Variants in KCNN3 observed in about 807,000 individuals in gnomAD.
KCNN3 encodes the protein potassium calcium-activated channel subfamily N member 3.
KCNN3 carries 16 observed loss-of-function variants against 62.9 expected under a neutral mutation model. That is an observed-to-expected ratio of 0.25 (90% CI 0.17 to 0.39). KCNN3 has a LOEUF of 0.39. KCNN3 is among the 10% of genes least tolerant of loss of function. KCNN3 has a pLI of 1.00. For synonymous variants in KCNN3, 370 were observed against 389.2 expected (o/e 0.95, Z 0.58); for missense variants, 599 against 949.4 (o/e 0.63, Z 4.85).
chr1:154,720,213 C>T (rs772873030), intron 5 of KCNN3, among the ~76,000 whole-genome samples: 29 of 152,200 alleles, frequency 1.9e-4, no homozygotes, highest in Non-Finnish European at 3.7e-4. Flanking sequence ...TCTGGGCCTT[C>T]GTCTTCTCAT....
At chr1:154,731,050 G>A (rs956303216) in intron 4 of KCNN3, among the ~76,000 whole-genome samples, 1 of 152,122 alleles carries the variant, frequency 6.6e-6, no homozygotes, top group African/African-American at 2.4e-5. Context: ...GTGCTGAGAG[G>A]GGAAAAGGTC....
At chr1:154,713,868 T>C (rs982335742) in intron 6 of KCNN3, among the ~76,000 whole-genome samples, 2 of 151,692 alleles carry the variant, frequency 1.3e-5, no homozygotes, top group South Asian at 4.2e-4. Context: ...GAATGAATGT[T>C]TTCATCCTTT....
At chr1:154,798,975 G>A (rs1164943586) in intron 2 of KCNN3, among the ~76,000 whole-genome samples, 1 of 149,006 alleles carries the variant, frequency 6.7e-6, no homozygotes. Flanking sequence ...GGAGTGCAGT[G>A]GCACAATCTT....
intron 3 of KCNN3, among the ~76,000 whole-genome samples, chr1:154,748,585 A>G (rs748469223): frequency 6.6e-6 from 1 of 152,364 alleles, no homozygotes; most frequent in Non-Finnish European, 1.5e-5. Context: ...ATCACGTGCC[A>G]TGTGGGCCAA....
In KCNN3 at chr1:154,841,642, G is replaced by GC. The variant is rs1209320654; in HGVS notation, c.934-19459dup. Among the ~76,000 whole-genome samples, 4 of 152,290 alleles carry GC rather than the reference G, an allele frequency of 2.6e-5. No homozygotes were observed. The East Asian group carries it at 5.8e-4, about 22-fold the overall frequency. On this transcript the variant is annotated intron_variant, in intron 1 of 7. Coordinates refer to ENST00000271915, the MANE Select transcript of KCNN3 (RefSeq NM_002249.6). ...TTCATGCCTGTTATTCCATCACAGAGCCCCCCTCACTCCAAACTTTCTGCA... is the reference window on the plus strand; with the variant it reads ...TTCATGCCTGTTATTCCATCACAGAGCCCCCCCTCACTCCAAACTTTCTGCA...
At chr1:154,857,318 C>T (rs951068886) in intron 1 of KCNN3, among the ~76,000 whole-genome samples, 3 of 152,226 alleles carry the variant, frequency 2.0e-5, no homozygotes, top group South Asian at 2.1e-4. Context: ...GTTGAGGGCT[C>T]GGGTGGCCCC....
intron 1 of KCNN3, among the ~76,000 whole-genome samples, chr1:154,847,269 C>T (rs770479508): frequency 1.3e-5 from 2 of 152,052 alleles, no homozygotes; most frequent in Non-Finnish European, 2.9e-5. Context: ...AGGGGCAGAG[C>T]CAGCGTGAAT....
chr1:154,869,987 T>C lies in KCNN3; in HGVS notation c.-23A>G, dbSNP rs777557603. 1 of 1,607,652 alleles carries C rather than the reference T, an allele frequency of 6.2e-7. No homozygotes were observed. Among genetic ancestry groups the C allele is most frequent in the Non-Finnish European group, 8.5e-7 (1 of 1,176,966 alleles). On this transcript the variant is annotated 5_prime_UTR_variant, in exon 1 of 8. Coordinates refer to ENST00000271915, the MANE Select transcript of KCNN3 (RefSeq NM_002249.6). This position sits in a 1 kb window ranked among gnomAD's most constrained non-coding sequence, Gnocchi z 6.1. The stretch of plus-strand genomic sequence containing the variant: ...CATCTTGGGGCCTGGCTGTATTCCC[T>C]GCAGCACAAGCCCCCACCCCAAAGC...
At position 154,706,653 on chromosome 1, in the gene KCNN3, G is replaced by A. The variant is rs1038726414; in HGVS notation, c.*1323C>T. 2.0e-5 allele frequency: 3 copies of A among 152,142 alleles called. No homozygotes were observed. Among genetic ancestry groups the A allele is most frequent in the African/African-American group, 4.8e-5 (2 of 41,410 alleles). 9.4% of individuals were successfully genotyped at this position (152,142 alleles called of 1,614,324 possible). ...CATGTCCACTTACCTTACCCACAAGGTTCCCTAAGGGTTCCCTTCATTCTC... is the reference window on the plus strand; with the variant it reads ...CATGTCCACTTACCTTACCCACAAGATTCCCTAAGGGTTCCCTTCATTCTC... On this transcript the variant is annotated 3_prime_UTR_variant, in exon 8 of 8. Coordinates refer to ENST00000271915, the MANE Select transcript of KCNN3 (RefSeq NM_002249.6).
chr1:154,755,857 AAGAAG>A (rs1647656186), intron 3 of KCNN3, among the ~76,000 whole-genome samples: 1 of 139,332 alleles, frequency 7.2e-6, no homozygotes, highest in Non-Finnish European at 1.6e-5. Context: ...AGGAAGAAGG[AAGAAG>A]AAGGAAGAGG....
intron 2 of KCNN3, among the ~76,000 whole-genome samples, chr1:154,804,971 A>G (rs1650107855): frequency 1.3e-5 from 2 of 152,096 alleles, no homozygotes; most frequent in African/African-American, 4.8e-5. Flanking sequence ...TCAAGGAAAG[A>G]CTCTATAGAA....
chr1:154,869,983 T>A lies in KCNN3; in HGVS notation c.-19A>T. On this transcript the variant is annotated 5_prime_UTR_variant, in exon 1 of 8. Coordinates refer to ENST00000271915, the MANE Select transcript of KCNN3 (RefSeq NM_002249.6). The surrounding 1 kb of genome is among the most constrained non-coding windows in gnomAD (Gnocchi z 6.1). ...TGTCCATCTTGGGGCCTGGCTGTAT[T>A]CCCTGCAGCACAAGCCCCCACCCCA... 1 of 1,608,664 alleles carries A rather than the reference T, an allele frequency of 6.2e-7. No homozygotes were observed. The highest frequency in any genetic ancestry group is 1.7e-5 in the Admixed American group (1 of 59,520).
At chr1:154,755,900 A>G (rs1358640306) in intron 3 of KCNN3, among the ~76,000 whole-genome samples, 3 of 125,932 alleles carry the variant, frequency 2.4e-5, no homozygotes, top group Non-Finnish European at 4.9e-5. Flanking sequence ...GAGGAAGAAG[A>G]AGGAGGAGAA....
rs1033582377 is a variant in KCNN3, at chr1:154,713,315, G to A, written c.1899+149C>T. The A allele has an allele frequency of 3.9e-5, 27 of 683,550 alleles. No homozygotes were observed. The African/African-American group carries it at 4.4e-4, about 11-fold the overall frequency. The allele number at this position is 683,550 out of a possible 1,614,324, so 42.3% of individuals were successfully genotyped here. ...TAGATTGCAAATGAAACAAACTTGA[G>A]CCTAGGTATTTTTGAACCAAGCAGA... On this transcript the variant is annotated intron_variant, in intron 7 of 7. Coordinates refer to ENST00000271915, the MANE Select transcript of KCNN3 (RefSeq NM_002249.6).
Position 154,787,448 on chromosome 1 carries a change from C to G in KCNN3, c.1030-15055G>C, listed in dbSNP as rs558271840. Among the ~76,000 whole-genome samples, 3 of 152,322 alleles carry G rather than the reference C, an allele frequency of 2.0e-5. No homozygotes were observed. The South Asian group carries it at 6.2e-4, about 32-fold the overall frequency. ...AGCGTGCCAGGTACAATGCCAAGAC[C>G]CGTGGGGTACAGCGGAGATCAGGAT... is the stretch of plus-strand genomic sequence containing the variant. On this transcript the variant is annotated intron_variant, in intron 2 of 7. Transcript: ENST00000271915.
intron 7 of KCNN3, among the ~76,000 whole-genome samples, chr1:154,711,643 T>G (rs1289124697): frequency 6.6e-6 from 1 of 152,170 alleles, no homozygotes; most frequent in African/African-American, 2.4e-5. Flanking sequence ...TGTTGGGCTA[T>G]TCCTGAAGCT....
intron 5 of KCNN3, among the ~76,000 whole-genome samples, chr1:154,715,321 A>G (rs945242122): frequency 6.6e-6 from 1 of 151,604 alleles, no homozygotes; most frequent in Admixed American, 6.6e-5. Context: ...CTGTAGTACC[A>G]GCTACTTTGG....
At chr1:154,868,341 T>G (rs1653030784) in intron 1 of KCNN3, 9 of 987,354 alleles carry the variant, frequency 9.1e-6, no homozygotes, top group Middle Eastern at 5.2e-4. Flanking sequence ...AAAGGACCAC[T>G]GATTTCCTCC....
At chr1:154,857,691 C>A (rs913268628) in intron 1 of KCNN3, among the ~76,000 whole-genome samples, 3 of 152,158 alleles carry the variant, frequency 2.0e-5, no homozygotes, top group Admixed American at 2.0e-4. Flanking sequence ...AGCTGTGAGA[C>A]CCTGAGCAAG....
Sources: allele counts gnomAD v4.1 joint callset (sites outside exome capture counted in the v4.1 genomes callset), GRCh38; gene constraint gnomAD v4.1.1; non-coding constraint Gnocchi (gnomAD v3.1); transcripts MANE v1.5; gene names NCBI Gene and HGNC (gene_info 2026-07-23, HGNC 2026-07-21).